RNF135: variants seen among roughly 807,000 people sequenced by gnomAD.
The protein encoded by RNF135 is ring finger protein 135, also known as E3 ubiquitin-protein ligase RNF135.
Under a neutral mutation model 41.9 loss-of-function variants are expected in RNF135, and 46 were observed. The observed-to-expected ratio is 1.10, with a 90% CI of 0.87 to 1.40. RNF135 has a LOEUF of 1.40. RNF135 is among the 40% of genes most tolerant of loss of function. The probability of loss-of-function intolerance (pLI) is 0.00; values close to 1 mark genes in which losing one functional copy is unlikely to be tolerated. For missense variants in RNF135, 539 were observed against 549.8 expected, an observed-to-expected ratio of 0.98 and a Z score of 0.20; for synonymous variants, 238 against 223.8, an observed-to-expected ratio of 1.06 and a Z score of -0.57.
intron 1 of RNF135, among the ~76,000 whole-genome samples, chr17:30,978,256 T>G (rs943272348): frequency 2.6e-5 from 4 of 152,250 alleles, no homozygotes; most frequent in Non-Finnish European, 5.9e-5. Flanking sequence ...CCTTCTTGTA[T>G]GTAGATATTG....
intron 1 of RNF135, 91 bp downstream of exon 1, chr17:30,971,536 C>G (rs918287959): frequency 7.2e-7 from 1 of 1,385,088 alleles, no homozygotes; most frequent in African/African-American, 1.5e-5. Context: ...TTTCCTCAGC[C>G]GTTCTACTTT....
chr17:30,983,331 A>T (rs1486862452), intron 1 of RNF135, among the ~76,000 whole-genome samples: 1 of 30,660 alleles, frequency 3.3e-5, no homozygotes, highest in African/African-American at 1.3e-4. Context: ...ATATATATAT[A>T]TATATATATA....
At chr17:30,968,954 C>T (rs1039577279), upstream of RNF135, 1 of 152,156 alleles carries the variant, frequency 6.6e-6, no homozygotes, top group Non-Finnish European at 1.5e-5. Context: ...ACAGTCTTGA[C>T]CTCCTGAGAT....
chr17:30,971,063 G>T lies in RNF135; in HGVS notation c.-11G>T. 6.5e-7 allele frequency: 1 copy of T among 1,534,010 alleles called. No individual in the cohort carries two copies. The highest frequency in any genetic ancestry group is 8.7e-7 in the Non-Finnish European group (1 of 1,145,932). ...CAACCCCGACGTCCGCGCCCCGGCC[G>T]CCTGTTGGCCATGGCGGGCCTGGGC... On this transcript the variant is annotated 5_prime_UTR_variant, in exon 1 of 5. Transcript: ENST00000328381.
intron 1 of RNF135, chr17:30,980,104 T>A (rs1287109599): frequency 8.2e-6 from 1 of 122,596 alleles, no homozygotes; most frequent in Non-Finnish European, 1.6e-5. Context: ...ACCTCCCTCC[T>A]GGACGGGGCG....
chr17:30,971,815 G>T (rs1373699417), intron 1 of RNF135: 3 of 758,914 alleles, frequency 4.0e-6, no homozygotes, highest in Non-Finnish European at 5.0e-6. Context: ...ACGGAGTCTC[G>T]CTCTGTCGCC....
chr17:30,997,096 G>T (rs1218119324), intron 3 of RNF135, 146 bp from the exon 4 acceptor site: 4 of 681,416 alleles, frequency 5.9e-6, no homozygotes, highest in South Asian at 4.5e-5. Flanking sequence ...CAGGCACACT[G>T]CCTCTGCCTG....
chr17:30,976,858 A>C (rs867893582), intron 1 of RNF135, among the ~76,000 whole-genome samples: 1 of 152,246 alleles, frequency 6.6e-6, no homozygotes, highest in Middle Eastern at 3.4e-3. Flanking sequence ...TCTTGTAGGG[A>C]ATAGATCATT....
chr17:30,998,305 GA>G (rs1333254499), intron 4 of RNF135, among the ~76,000 whole-genome samples: 4 of 152,232 alleles, frequency 2.6e-5, no homozygotes, highest in Non-Finnish European at 5.9e-5. Context: ...TTGGGAGGCT[GA>G]GATGGCAGGA....
chr17:30,983,334 TATATATATA>T (rs1416321484), intron 1 of RNF135, among the ~76,000 whole-genome samples: 16 of 29,414 alleles, frequency 5.4e-4, no homozygotes, highest in African/African-American at 1.5e-3. Flanking sequence ...TATATATATA[TATATATATA>T]TATATATATA....
intron 3 of RNF135, among the ~76,000 whole-genome samples, chr17:30,988,628 A>G (rs139894611): frequency 0.018 from 2,663 of 151,520 alleles, 43 homozygotes; most frequent in Middle Eastern, 0.034. Context: ...GGGTTTCACC[A>G]TGTTAACGAG....
intron 1 of RNF135, chr17:30,975,674 AC>A: frequency 1.4e-6 from 2 of 1,398,710 alleles, no homozygotes; most frequent in South Asian, 1.2e-5. Flanking sequence ...TGGAGTCACC[AC>A]CAGTGTCGGC....
chr17:30,971,525 C>T lies in RNF135; in HGVS notation c.372+80C>T, dbSNP rs1413930163. 1.2e-5 allele frequency: 17 copies of T among 1,395,396 alleles called. 1 individual carries two copies. Among genetic ancestry groups the T allele is most frequent in the Non-Finnish European group, 1.6e-5 (17 of 1,086,212 alleles). 86.4% of individuals were successfully genotyped at this position (1,395,396 alleles called of 1,614,324 possible). ...ACCCTTTCCCATGTGGCTCGAACCC[C>T]TTTCCTCAGCCGTTCTACTTTTACG... On this transcript the variant is annotated intron_variant, in intron 1 of 4. Transcript: ENST00000328381.
chr17:30,989,835 A>G (rs948230014), intron 3 of RNF135, among the ~76,000 whole-genome samples: 8 of 151,978 alleles, frequency 5.3e-5, no homozygotes, highest in African/African-American at 1.5e-4. Flanking sequence ...CCCTGTCTCT[A>G]TTAAAAACAC....
chr17:30,981,298 G>A (rs1907135003), intron 1 of RNF135, among the ~76,000 whole-genome samples: 1 of 150,224 alleles, frequency 6.7e-6, no homozygotes, highest in African/African-American at 2.5e-5. Flanking sequence ...GCAGTGAGCC[G>A]AGATGGCAGC....
chr17:30,987,812 C>A, intron 2 of RNF135, 132 bp from the exon 3 acceptor site: 1 of 805,512 alleles, frequency 1.2e-6, no homozygotes, highest in Non-Finnish European at 2.0e-6. Context: ...TTTTTGAGGG[C>A]CTAATTTTGT....
chr17:30,984,986 G>A (rs1208573928), intron 2 of RNF135, among the ~76,000 whole-genome samples: 1 of 152,212 alleles, frequency 6.6e-6, no homozygotes, highest in Non-Finnish European at 1.5e-5. Context: ...CTGTCTCTAA[G>A]ATCACCAGTG....
In RNF135 at chr17:30,971,056, C is replaced by A. The variant is rs530406205; in HGVS notation, c.-18C>A. On this transcript the variant is annotated 5_prime_UTR_variant, in exon 1 of 5. Coordinates refer to ENST00000328381, the MANE Select transcript of RNF135 (RefSeq NM_032322.4). ...CCCGGCTCAACCCCGACGTCCGCGC[C>A]CCGGCCGCCTGTTGGCCATGGCGGG... is the stretch of plus-strand genomic sequence containing the variant. The A allele has an allele frequency of 4.4e-5, 67 of 1,531,672 alleles. No individual in the cohort carries two copies. Among genetic ancestry groups the A allele is most frequent in the Non-Finnish European group, 5.1e-5 (58 of 1,145,908 alleles). 94.9% of individuals were successfully genotyped at this position (1,531,672 alleles called of 1,614,324 possible). A position where few individuals can be genotyped will look rare whatever the true frequency, so the allele number is the denominator to read the frequency against.
At chr17:30,960,706 TTTTA>T in the RNF135 span, among the ~76,000 whole-genome samples, 1 of 108,402 alleles carries the variant, frequency 9.2e-6, no homozygotes, top group Non-Finnish European at 1.5e-5. Context: ...GTAATTTTTA[TTTTA>T]TTTTATTTTA....
Sources: gnomAD v4.1 joint callset for allele counts (sites outside exome capture counted in the v4.1 genomes callset) on GRCh38, gnomAD v4.1.1 for gene constraint, MANE v1.5 for transcripts, NCBI Gene and HGNC (gene_info 2026-07-23, HGNC 2026-07-21) for gene names.